RANBP2: variants seen among roughly 807,000 people sequenced by gnomAD.
RANBP2 encodes RAN binding protein 2, also known as E3 SUMO-protein ligase RanBP2.
In RANBP2, 57 loss-of-function variants were observed where a neutral mutation model predicts 303.6. The ratio of observed to expected loss-of-function variants is 0.19; its 90% confidence interval spans 0.15 to 0.23. RANBP2 has a LOEUF of 0.23. Ranked by LOEUF, RANBP2 falls within the 10% of genes least tolerant of loss-of-function variation. The probability of loss-of-function intolerance (pLI) is 1.00; values close to 1 mark genes in which losing one functional copy is unlikely to be tolerated. For missense variants in RANBP2, 3,138 were observed against 3,780.8 expected (o/e 0.83, Z 4.46); for synonymous variants, 1,167 against 1,301.5 (o/e 0.90, Z 2.23).
the RANBP2 span, among the ~76,000 whole-genome samples, chr2:109,002,306 C>T: frequency 1.3e-5 from 2 of 152,198 alleles, no homozygotes; most frequent in African/African-American, 4.8e-5. Context: ...GCTTGTGAGC[C>T]GGGATTCCAC....
chr2:109,170,566 G>C, the RANBP2 span, among the ~76,000 whole-genome samples: 1 of 151,992 alleles, frequency 6.6e-6, no homozygotes, highest in East Asian at 1.9e-4. Context: ...GGATGGTCTC[G>C]ATCTCCTGAC....
chr2:109,040,954 G>A, the RANBP2 span, among the ~76,000 whole-genome samples: 7 of 152,194 alleles, frequency 4.6e-5, no homozygotes, highest in Non-Finnish European at 8.8e-5. Context: ...TACTCGGGAG[G>A]CTGAGGCAGG....
chr2:109,003,537 A>G, the RANBP2 span, among the ~76,000 whole-genome samples: 4 of 151,792 alleles, frequency 2.6e-5, no homozygotes, highest in Non-Finnish European at 5.9e-5. Flanking sequence ...CAGCCTCCCA[A>G]GTAGCTGGGA....
At chr2:108,966,885 G>C in the RANBP2 span, among the ~76,000 whole-genome samples, 5 of 152,228 alleles carry the variant, frequency 3.3e-5, no homozygotes, top group Non-Finnish European at 5.9e-5. Context: ...GGGAGACAGA[G>C]AGGGACCCTC....
chr2:109,535,025 C>T, the RANBP2 span, among the ~76,000 whole-genome samples: 1 of 152,076 alleles, frequency 6.6e-6, no homozygotes, highest in Admixed American at 6.5e-5. Flanking sequence ...TATCAGTGAT[C>T]GAGTTGACAC....
At chr2:109,282,141 G>A in the RANBP2 span, among the ~76,000 whole-genome samples, 1 of 152,144 alleles carries the variant, frequency 6.6e-6, no homozygotes, top group Admixed American at 6.5e-5. Flanking sequence ...TCCCTAAGGA[G>A]CAGTTTCTGA....
chr2:109,435,790 G>A, the RANBP2 span, among the ~76,000 whole-genome samples: 1 of 152,132 alleles, frequency 6.6e-6, no homozygotes, highest in Non-Finnish European at 1.5e-5. Context: ...TGATTTCCTC[G>A]GGGAAAAGTG....
chr2:109,347,772 G>A, the RANBP2 span: 12 of 1,613,888 alleles, frequency 7.4e-6, no homozygotes, highest in Non-Finnish European at 1.0e-5. Context: ...TCGTCCTGCG[G>A]CGCAAGGTGG....
the RANBP2 span, among the ~76,000 whole-genome samples, chr2:109,705,311 C>T: frequency 1.3e-5 from 2 of 151,804 alleles, no homozygotes; most frequent in African/African-American, 4.8e-5. Context: ...AAGGCTGAGA[C>T]AGTAGAATTG....
the RANBP2 span, among the ~76,000 whole-genome samples, chr2:109,493,091 AACATAC>A: frequency 8.6e-5 from 10 of 116,144 alleles, no homozygotes; most frequent in Non-Finnish European, 1.5e-4. Flanking sequence ...CATACATACA[AACATAC>A]ACATACACCA....
chr2:108,859,568 T>C, the RANBP2 span, among the ~76,000 whole-genome samples: 1 of 152,102 alleles, frequency 6.6e-6, no homozygotes. Context: ...CTTGAGTTAA[T>C]TTTTGTATAT....
At chr2:109,329,604 G>T in the RANBP2 span, among the ~76,000 whole-genome samples, 21 of 152,228 alleles carry the variant, frequency 1.4e-4, no homozygotes, top group Non-Finnish European at 4.4e-5. Context: ...TAAGTCTGGA[G>T]CTGACAGGCC....
chr2:108,731,505 T>G (rs1461692421), intron 4 of RANBP2, 31 bp downstream of exon 4: 36 of 1,610,770 alleles, frequency 2.2e-5, no homozygotes, highest in Non-Finnish European at 3.1e-5. Context: ...GGGAGAAAAC[T>G]TAAGACATAA....
At chr2:108,958,624 T>G in the RANBP2 span, among the ~76,000 whole-genome samples, 232 of 152,232 alleles carry the variant, frequency 1.5e-3, no homozygotes, top group African/African-American at 5.4e-3. Context: ...CTAGCTCCCT[T>G]AGCAATGGCA....
At chr2:109,391,959 A>G in the RANBP2 span, among the ~76,000 whole-genome samples, 1 of 152,120 alleles carries the variant, frequency 6.6e-6, no homozygotes, top group Non-Finnish European at 1.5e-5. Context: ...CCAGGACCAC[A>G]GGTGCATGCC....
the RANBP2 span, among the ~76,000 whole-genome samples, chr2:109,486,536 C>T: frequency 6.6e-6 from 1 of 152,196 alleles, no homozygotes; most frequent in African/African-American, 2.4e-5. Context: ...ACATAATCAC[C>T]AGATATTGAT....
the RANBP2 span, among the ~76,000 whole-genome samples, chr2:109,190,398 T>C: frequency 5.9e-5 from 9 of 152,218 alleles, no homozygotes; most frequent in African/African-American, 2.2e-4. Flanking sequence ...GGTCTCAAAT[T>C]CCTGACCTCA....
chr2:109,127,951 T>C, the RANBP2 span: 1 of 152,218 alleles, frequency 6.6e-6, no homozygotes, highest in Non-Finnish European at 1.5e-5. Flanking sequence ...CCTCAACAAA[T>C]ACTACTTTTT....
At chr2:109,288,550 T>C in the RANBP2 span, among the ~76,000 whole-genome samples, 1 of 152,252 alleles carries the variant, frequency 6.6e-6, no homozygotes, top group Admixed American at 6.5e-5. Flanking sequence ...GTCATGTTGG[T>C]CTGGAGTCAC....
Sources: allele counts gnomAD v4.1 joint callset (sites outside exome capture counted in the v4.1 genomes callset), GRCh38; gene constraint gnomAD v4.1.1; transcripts MANE v1.5; gene names NCBI Gene and HGNC (gene_info 2026-07-23, HGNC 2026-07-21).